The following RABGAP1L variants were observed in gnomAD, a reference collection of about 807,000 sequenced individuals.
The protein encoded by RABGAP1L is rab GTPase-activating protein 1-like.
Under a neutral mutation model 137.7 loss-of-function variants are expected in RABGAP1L, and 63 were observed. That is an observed-to-expected ratio of 0.46 (90% confidence interval 0.37 to 0.56). The LOEUF is 0.56. Among genes scored for constraint, RABGAP1L ranks in the 20% least tolerant of loss-of-function variants. The pLI, the probability that RABGAP1L is intolerant of heterozygous loss-of-function variation, is 0.00. For synonymous variants in RABGAP1L, 431 were observed against 433.7 expected (o/e 0.99, Z 0.08); for missense variants, 1,095 against 1,244.0 (o/e 0.88, Z 1.80).
chr1:174,491,328 C>G (rs7550593), intron 13 of RABGAP1L, among the ~76,000 whole-genome samples: 15 of 152,100 alleles, frequency 9.9e-5, no homozygotes, highest in Admixed American at 7.2e-4. Flanking sequence ...CAAGTCAATG[C>G]GTTCCCTTCT....
At chr1:174,818,668 G>C (rs1272482547) in intron 19 of RABGAP1L, among the ~76,000 whole-genome samples, 2 of 152,008 alleles carry the variant, frequency 1.3e-5, no homozygotes, top group African/African-American at 4.8e-5. Flanking sequence ...CTGAAGTCAG[G>C]AGTTTGAGAG....
At chr1:174,336,886 A>T (rs139336448) in intron 11 of RABGAP1L, among the ~76,000 whole-genome samples, 16,042 of 95,264 alleles carry the variant, frequency 0.17, 2,640 homozygotes, top group African/African-American at 0.46. Flanking sequence ...TGTGTGTGTG[A>T]GAGAGAGAGA....
intron 13 of RABGAP1L, chr1:174,545,779 G>A (rs959148226): frequency 6.6e-6 from 1 of 152,224 alleles, no homozygotes; most frequent in Non-Finnish European, 1.5e-5. Context: ...TAATTTTGTA[G>A]AAGTTACCTA....
At chr1:174,354,854 G>A (rs895272516) in intron 11 of RABGAP1L, among the ~76,000 whole-genome samples, 2 of 152,172 alleles carry the variant, frequency 1.3e-5, no homozygotes, top group Non-Finnish European at 2.9e-5. Context: ...GTAAGGAAGG[G>A]ATCCAGTTTC....
intron 19 of RABGAP1L, among the ~76,000 whole-genome samples, chr1:174,868,545 A>G (rs566829732): frequency 6.6e-6 from 1 of 152,306 alleles, no homozygotes; most frequent in East Asian, 1.9e-4. Flanking sequence ...CTCAAGATAA[A>G]AATGAACTGT....
At chr1:174,719,021 TAG>T (rs1190553495) in intron 17 of RABGAP1L, among the ~76,000 whole-genome samples, 1 of 151,874 alleles carries the variant, frequency 6.6e-6, no homozygotes, top group East Asian at 1.9e-4. Flanking sequence ...GTATTTTTAG[TAG>T]AGATGGGGTT....
chr1:174,892,293 A>G, intron 19 of RABGAP1L: 1 of 332,318 alleles, frequency 3.0e-6, no homozygotes, highest in Non-Finnish European at 5.8e-6. Context: ...AGTGGGTCCC[A>G]TTTTTAGCCA....
Position 174,933,909 on chromosome 1 carries a change from G to A in RABGAP1L, c.2341-23548G>A, listed in dbSNP as rs992230117. ...AATTATCCAGTTCAACCCACCATCC[G>A]TGGAAAACCCAATCCTCTAGGGAAA... On this transcript the variant is annotated intron_variant, in intron 19 of 25. Coordinates refer to ENST00000681986, the MANE Select transcript of RABGAP1L (RefSeq NM_001366446.1). Among the ~76,000 whole-genome samples the A allele has an allele frequency of 5.9e-5, 9 of 152,128 alleles. No individual in the cohort carries two copies. The East Asian group carries it at 9.6e-4, about 16-fold the overall frequency.
At chr1:174,657,139 T>C (rs906608607) in intron 14 of RABGAP1L, among the ~76,000 whole-genome samples, 17 of 152,180 alleles carry the variant, frequency 1.1e-4, no homozygotes, top group Non-Finnish European at 2.2e-4. Context: ...TTTGCCACAA[T>C]TTTTTATTGT....
chr1:174,248,754 G>A (rs534453751), intron 5 of RABGAP1L, among the ~76,000 whole-genome samples: 1 of 152,144 alleles, frequency 6.6e-6, no homozygotes, highest in South Asian at 2.1e-4. Flanking sequence ...CTGTTATAGG[G>A]AGTATTCCTG....
At chr1:174,731,221 C>G (rs1682439107) in intron 17 of RABGAP1L, among the ~76,000 whole-genome samples, 3 of 152,224 alleles carry the variant, frequency 2.0e-5, no homozygotes, top group African/African-American at 4.8e-5. Flanking sequence ...ATCTACCCGC[C>G]TCGGCCTCCC....
intron 13 of RABGAP1L, among the ~76,000 whole-genome samples, chr1:174,623,575 A>G (rs1572570571): frequency 6.6e-6 from 1 of 152,196 alleles, no homozygotes; most frequent in African/African-American, 2.4e-5. Flanking sequence ...TCTCCCCATG[A>G]GTAATGGATG....
At chr1:174,279,278 A>G (rs1459659175) in intron 10 of RABGAP1L, among the ~76,000 whole-genome samples, 2 of 152,186 alleles carry the variant, frequency 1.3e-5, no homozygotes, top group Admixed American at 6.5e-5. Context: ...TATGGTTTCT[A>G]TGATATCCTC....
At chr1:174,534,802 A>AAAT (rs1553324951) in intron 13 of RABGAP1L, among the ~76,000 whole-genome samples, 1,429 of 137,138 alleles carry the variant, frequency 0.01, 27 homozygotes, top group Middle Eastern at 0.044. Flanking sequence ...AAAAAAAAAA[A>AAAT]AATAATTAGA....
chr1:174,983,007 T>G, intron 24 of RABGAP1L, 102 bp downstream of exon 24: 1 of 1,228,184 alleles, frequency 8.1e-7, no homozygotes, highest in Middle Eastern at 1.9e-4. Context: ...ATTAAAGGAT[T>G]TATTAATAGG....
At chr1:174,439,290 G>A (rs1226794317) in intron 13 of RABGAP1L, among the ~76,000 whole-genome samples, 2 of 151,960 alleles carry the variant, frequency 1.3e-5, no homozygotes. Flanking sequence ...AATATTCTTA[G>A]TTGCTAATAA....
chr1:174,384,634 C>G (rs974737054), intron 12 of RABGAP1L, among the ~76,000 whole-genome samples: 1 of 152,004 alleles, frequency 6.6e-6, no homozygotes, highest in Non-Finnish European at 1.5e-5. Context: ...CCATTTTTCT[C>G]TCTTTATTTT....
At chr1:174,249,172 C>A (rs1672507812) in intron 5 of RABGAP1L, among the ~76,000 whole-genome samples, 1 of 152,040 alleles carries the variant, frequency 6.6e-6, no homozygotes, top group Admixed American at 6.6e-5. Flanking sequence ...AAAGTAGTCA[C>A]TAGAGTGGCC....
chr1:174,708,114 G>A (rs371193530), intron 17 of RABGAP1L, among the ~76,000 whole-genome samples: 2 of 152,156 alleles, frequency 1.3e-5, no homozygotes, highest in South Asian at 2.1e-4. Context: ...AAATTAGAAT[G>A]TATCTTCTGC....
Sources: allele counts gnomAD v4.1 joint callset (sites outside exome capture counted in the v4.1 genomes callset), GRCh38; gene constraint gnomAD v4.1.1; transcripts MANE v1.5; gene names NCBI Gene and HGNC (gene_info 2026-07-23, HGNC 2026-07-21).